Variants in SLIT3 observed in about 807,000 individuals in gnomAD.
SLIT3 encodes slit homolog 3 protein.
In SLIT3, 68 loss-of-function variants were observed where a neutral mutation model predicts 184.0. The ratio of observed to expected loss-of-function variants is 0.37; its 90% confidence interval spans 0.30 to 0.45. The LOEUF is 0.45. Among genes scored for constraint, SLIT3 ranks in the 20% least tolerant of loss-of-function variants. SLIT3 has a pLI of 1.00. For missense variants in SLIT3, 1,707 were observed against 2,026.0 expected (o/e 0.84, Z 3.02); for synonymous variants, 831 against 828.6 (o/e 1.00, Z -0.05).
intron 5 of SLIT3, among the ~76,000 whole-genome samples, chr5:168,856,766 C>CGTGTGTGTGTGT (rs372608852): frequency 1.4e-3 from 188 of 132,904 alleles, no homozygotes; most frequent in African/African-American, 4.9e-3. Flanking sequence ...CTGAGTTCCT[C>CGTGTGTGTGTGT]GTGTGTGTGT....
chr5:168,850,028 A>G (rs1758614433), intron 5 of SLIT3, among the ~76,000 whole-genome samples: 1 of 152,224 alleles, frequency 6.6e-6, no homozygotes, highest in African/African-American at 2.4e-5. Flanking sequence ...TGAAGAACAA[A>G]TTATAGAAGC....
chr5:168,969,051 T>C (rs1215116550), intron 4 of SLIT3, among the ~76,000 whole-genome samples: 1 of 152,018 alleles, frequency 6.6e-6, no homozygotes, highest in African/African-American at 2.4e-5. Flanking sequence ...AGATTATTTT[T>C]CCCCCGCAAG....
intron 4 of SLIT3, among the ~76,000 whole-genome samples, chr5:168,940,214 G>C (rs1193837448): frequency 6.6e-6 from 1 of 152,184 alleles, no homozygotes; most frequent in Non-Finnish European, 1.5e-5. Flanking sequence ...TCTTCATCTT[G>C]AAAAAGTATG....
intron 3 of SLIT3, among the ~76,000 whole-genome samples, chr5:169,229,529 G>A (rs1381639048): frequency 6.6e-6 from 1 of 152,212 alleles, no homozygotes; most frequent in East Asian, 1.9e-4. Context: ...CTTCTGATGG[G>A]AGAACAGGGA....
chr5:168,689,027 T>C (rs1442912956), intron 29 of SLIT3, among the ~76,000 whole-genome samples: 1 of 152,204 alleles, frequency 6.6e-6, no homozygotes, highest in African/African-American at 2.4e-5. Context: ...GGGAGGCAAA[T>C]GTATTGACCT....
intron 12 of SLIT3, among the ~76,000 whole-genome samples, chr5:168,782,227 C>T (rs551599986): frequency 9.1e-4 from 139 of 152,160 alleles, no homozygotes; most frequent in South Asian, 2.3e-3. Context: ...TATTCCAGCC[C>T]GAAGACAGTC....
chr5:169,223,012 A>G (rs866002966), intron 3 of SLIT3, among the ~76,000 whole-genome samples: 1 of 152,220 alleles, frequency 6.6e-6, no homozygotes, highest in African/African-American at 2.4e-5. Flanking sequence ...TCCATGCCAC[A>G]GTTCAAAGGG....
intron 3 of SLIT3, among the ~76,000 whole-genome samples, chr5:169,197,971 T>G (rs980172246): frequency 1.3e-5 from 2 of 152,192 alleles, no homozygotes; most frequent in African/African-American, 4.8e-5. Flanking sequence ...TGCCACTTCA[T>G]CGAACCCATC....
At chr5:169,281,456 C>CA (rs1440567709) in intron 1 of SLIT3, among the ~76,000 whole-genome samples, 5 of 152,188 alleles carry the variant, frequency 3.3e-5, no homozygotes, top group Non-Finnish European at 5.9e-5. Flanking sequence ...AGCATGGCAA[C>CA]AGAGCAAGAA....
intron 16 of SLIT3, among the ~76,000 whole-genome samples, chr5:168,755,219 G>A (rs1754849496): frequency 6.6e-6 from 1 of 152,100 alleles, no homozygotes; most frequent in Admixed American, 6.5e-5. Flanking sequence ...TGACAGAACT[G>A]GGATTTGAAG....
At chr5:169,185,036 GGAGA>G (rs1763288261) in intron 4 of SLIT3, among the ~76,000 whole-genome samples, 1 of 152,190 alleles carries the variant, frequency 6.6e-6, no homozygotes, top group Non-Finnish European at 1.5e-5. Flanking sequence ...TCCTATCGGA[GGAGA>G]GAGACGACAC....
intron 1 of SLIT3, among the ~76,000 whole-genome samples, chr5:169,260,328 T>C (rs893006202): frequency 6.6e-6 from 1 of 152,114 alleles, no homozygotes; most frequent in Non-Finnish European, 1.5e-5. Context: ...GTTTCAGTTA[T>C]GCACTCACTA....
chr5:169,064,517 G>A (rs1758282795), intron 4 of SLIT3, among the ~76,000 whole-genome samples: 1 of 152,158 alleles, frequency 6.6e-6, no homozygotes, highest in Non-Finnish European at 1.5e-5. Context: ...GGCCAGGGAT[G>A]TAAAATGACT....
At chr5:169,046,006 A>G (rs978514481) in intron 4 of SLIT3, among the ~76,000 whole-genome samples, 3 of 152,230 alleles carry the variant, frequency 2.0e-5, no homozygotes, top group Non-Finnish European at 2.9e-5. Flanking sequence ...TATTGAATTA[A>G]TGATTGAATT....
intron 32 of SLIT3, among the ~76,000 whole-genome samples, chr5:168,681,840 T>C (rs1761602087): frequency 6.6e-6 from 1 of 152,192 alleles, no homozygotes; most frequent in Non-Finnish European, 1.5e-5. Flanking sequence ...CTTCTGTCCT[T>C]GACATGTCTG....
intron 1 of SLIT3, among the ~76,000 whole-genome samples, chr5:169,253,606 A>G (rs568408573): frequency 7.2e-5 from 11 of 152,164 alleles, no homozygotes; most frequent in Non-Finnish European, 1.2e-4. Flanking sequence ...TGAGGGTTAA[A>G]TGAGATGATG....
chr5:169,185,625 T>A (rs2668043), intron 4 of SLIT3, among the ~76,000 whole-genome samples: 119,286 of 151,858 alleles, frequency 0.79, 47,157 homozygotes, highest in East Asian at 0.86. Flanking sequence ...CACATTTTGC[T>A]TGTAGTTATG....
intron 1 of SLIT3, among the ~76,000 whole-genome samples, chr5:169,268,653 T>G (rs564095276): frequency 6.6e-6 from 1 of 152,154 alleles, no homozygotes; most frequent in Non-Finnish European, 1.5e-5. Context: ...AGGCCTCCAG[T>G]CCCAGTTTCA....
At chr5:169,050,792 C>T (rs11743301) in intron 4 of SLIT3, among the ~76,000 whole-genome samples, 22,301 of 151,870 alleles carry the variant, frequency 0.15, 2,102 homozygotes, top group African/African-American at 0.27. Context: ...CATGGAAAGA[C>T]GCCATAGGTA....
Sources: gnomAD v4.1 joint callset for allele counts (sites outside exome capture counted in the v4.1 genomes callset) on GRCh38, gnomAD v4.1.1 for gene constraint, MANE v1.5 for transcripts, NCBI Gene and HGNC (gene_info 2026-07-23, HGNC 2026-07-21) for gene names.